The following ADAMTSL4 variants were observed in gnomAD, a reference collection of about 807,000 sequenced individuals.
ADAMTSL4 encodes ADAMTS-like protein 4.
In ADAMTSL4, 97 loss-of-function variants were observed where a neutral mutation model predicts 122.8. That is an observed-to-expected ratio of 0.79 (90% CI 0.67 to 0.93). The LOEUF (loss-of-function observed/expected upper bound fraction) is 0.93. ADAMTSL4 is among the 40% of genes least tolerant of loss of function. ADAMTSL4 has a pLI of 0.00. For missense variants in ADAMTSL4, 1,408 were observed against 1,453.5 expected (o/e 0.97, Z 0.51); for synonymous variants, 592 against 568.0 (o/e 1.04, Z -0.60).
In ADAMTSL4 at chr1:150,559,753, C is replaced by T. The variant is rs372461420; in HGVS notation, c.2944-8C>T. The stretch of plus-strand genomic sequence containing the variant: ...AAAGGTCTGATATGATGGCTGGGGT[C>T]GCCCCAGTGTTCTCGCTCCTGCCAA... On this transcript the variant is annotated splice_polypyrimidine_tract_variant and splice_region_variant and intron_variant, in intron 17 of 18. Coordinates refer to ENST00000271643, the MANE Select transcript of ADAMTSL4 (RefSeq NM_019032.6). This position sits in a 1 kb window ranked among gnomAD's most constrained non-coding sequence, Gnocchi z 4.1. 7.6e-5 allele frequency: 122 copies of T among 1,613,706 alleles called. No individual in the cohort carries two copies. Among genetic ancestry groups the T allele is most frequent in the African/African-American group, 2.7e-5 (2 of 74,884 alleles).
chr1:150,553,626 CTG>C lies in ADAMTSL4; in HGVS notation c.636_637del (p.Glu213AlafsTer21). On this transcript the variant is annotated frameshift_variant, in exon 6 of 19. Coordinates refer to ENST00000271643, the MANE Select transcript of ADAMTSL4 (RefSeq NM_019032.6). LOFTEE classifies it high-confidence loss of function. Reference sequence around the variant, plus strand: ...TTCTCCGCAAACGGCAGCCCCCAAACTGAGCTCCCTCCCACAGAACTGTCTGT... The same window carrying C: ...TTCTCCGCAAACGGCAGCCCCCAAACAGCTCCCTCCCACAGAACTGTCTGT... 6.2e-7 allele frequency: 1 copy of C among 1,613,872 alleles called. No individual in the cohort carries two copies. The highest frequency in any genetic ancestry group is 8.5e-7 in the Non-Finnish European group (1 of 1,179,948).
chr1:150,556,966 G>A lies in ADAMTSL4; in HGVS notation c.1777G>A (p.Val593Ile), dbSNP rs757656099. ...YMIFQEENPG[V>I]FYQYVISSPP... is the part of the protein sequence containing the mutation. ...GATCTTTCAGGAGGAAAACCCAGGC[G>A]TTTTTTATCAGTATGTCATCTCTTC... The change falls in exon 11 of 19, where the codon GTT becomes ATT. Residue 593 changes from valine to isoleucine, a missense_variant. By Grantham distance (29) the Val-to-Ile change is conservative (BLOSUM62 3). Coordinates refer to ENST00000271643, the MANE Select transcript of ADAMTSL4 (RefSeq NM_019032.6). This position sits in a 1 kb window ranked among gnomAD's most constrained non-coding sequence, Gnocchi z 4.1. The A allele has an allele frequency of 2.5e-6, 4 of 1,614,066 alleles. No homozygotes were observed. In the South Asian group the frequency reaches 4.4e-5, roughly 18 times the overall value.
rs758872167 is a variant in ADAMTSL4, at chr1:150,560,078, G to A, written c.3107G>A (p.Ser1036Asn). 1.5e-5 allele frequency: 25 copies of A among 1,613,974 alleles called. No individual in the cohort carries two copies. The highest frequency in any genetic ancestry group is 1.9e-5 in the Non-Finnish European group (22 of 1,180,028). The change falls in exon 19 of 19, where the codon AGC becomes AAC. Residue 1036 changes from serine (S) to asparagine (N), a missense_variant. Ser to Asn is a conservative substitution (Grantham distance 46). Coordinates refer to ENST00000271643, the MANE Select transcript of ADAMTSL4 (RefSeq NM_019032.6). ...TCCCCAGATGATCAATGCAAGGACA[G>A]CTCTCCACATTGCCCCCTGGTGGTA... ...SQRPDDQCKD[S>N]SPHCPLVVQA...
rs1672646988 is a variant in ADAMTSL4, at chr1:150,560,310, C to T, written c.*114C>T. 2 of 1,487,928 alleles carry T rather than the reference C, an allele frequency of 1.3e-6. No individual in the cohort carries two copies. Among genetic ancestry groups the T allele is most frequent in the South Asian group, 2.5e-5 (2 of 81,016 alleles). 92.2% of individuals were successfully genotyped at this position (1,487,928 alleles called of 1,614,324 possible). Reference sequence around the variant, plus strand: ...GTCCCAGTCTCAGCAGGGATGTCCTCCAGGTGACAGAGGGTGGCAAGGTGA... The same window carrying T: ...GTCCCAGTCTCAGCAGGGATGTCCTTCAGGTGACAGAGGGTGGCAAGGTGA... On this transcript the variant is annotated 3_prime_UTR_variant, in exon 19 of 19. Coordinates refer to ENST00000271643, the MANE Select transcript of ADAMTSL4 (RefSeq NM_019032.6).
chr1:150,550,796 C>T (rs762536298), intron 2 of ADAMTSL4: 2 of 456,458 alleles, frequency 4.4e-6, no homozygotes, highest in South Asian at 1.5e-5. Context: ...GGCGCCCGCT[C>T]TGGCTCAGCC....
In ADAMTSL4 at chr1:150,556,731, G is replaced by T. The variant is rs376614782; in HGVS notation, c.1687G>T (p.Glu563Ter). Residue 563 changes from glutamate (E) to a stop codon, truncating the protein, a stop_gained, in exon 10 of 19, where the codon GAG becomes TAG. Coordinates refer to ENST00000271643, the MANE Select transcript of ADAMTSL4 (RefSeq NM_019032.6). LOFTEE classifies it high-confidence loss of function. The surrounding 1 kb of genome is among the most constrained non-coding windows in gnomAD (Gnocchi z 4.1). ...TVFRYNRPPR[E>*]EGKGESLSAE... ...CTTTCGATATAACCGTCCTCCCAGG[G>T]AGGAGGGCAAAGGGGAGAGTCTGTC... is the stretch of plus-strand genomic sequence containing the variant. 6.2e-7 allele frequency: 1 copy of T among 1,614,026 alleles called. No homozygotes were observed. Among genetic ancestry groups the T allele is most frequent in the South Asian group, 1.1e-5 (1 of 91,076 alleles).
At position 150,556,383 on chromosome 1, in the gene ADAMTSL4, C is replaced by G; in HGVS notation, c.1576+17C>G. On this transcript the variant is annotated intron_variant, in intron 9 of 18. Transcript: ENST00000271643. The surrounding 1 kb of genome is among the most constrained non-coding windows in gnomAD (Gnocchi z 4.1). The stretch of plus-strand genomic sequence containing the variant: ...ACTACCTGGGTGAGCACCCAGCTGC[C>G]TCCCCTTCCACTTCCGTCTCTGTTC... 5 of 1,613,682 alleles carry G rather than the reference C, an allele frequency of 3.1e-6. No homozygotes were observed. Among genetic ancestry groups the G allele is most frequent in the Non-Finnish European group, 4.2e-6 (5 of 1,179,898 alleles).
Position 150,558,604 on chromosome 1 carries a change from G to A in ADAMTSL4, c.2514G>A (p.Met838Ile). 5 of 1,613,770 alleles carry A rather than the reference G, an allele frequency of 3.1e-6. No homozygotes were observed. Among genetic ancestry groups the A allele is most frequent in the East Asian group, 2.2e-5 (1 of 44,884 alleles). Residue 838 changes from methionine (M) to isoleucine (I), a missense_variant, in exon 15 of 19, where the codon ATG becomes ATA. Physicochemically the swap from Met to Ile is conservative, Grantham distance 10. Coordinates refer to ENST00000271643, the MANE Select transcript of ADAMTSL4 (RefSeq NM_019032.6). The stretch of plus-strand genomic sequence containing the variant: ...CCCCCAGCAGAGAGGCCTGTGACAT[G>A]GGGCCCTGTACTACTGCCTGGTTCC... ...PQPPSREACDMGPCTTAWFHS... is the reference protein window; with the variant it reads ...PQPPSREACDIGPCTTAWFHS...
intron 14 of ADAMTSL4, 106 bp from the exon 15 acceptor site, chr1:150,558,367 G>C (rs1013461911): frequency 1.9e-6 from 3 of 1,569,590 alleles, no homozygotes; most frequent in Admixed American, 3.6e-5. Context: ...CCATGTGACT[G>C]CTGGGCTGGG....
At position 150,553,670 on chromosome 1, in the gene ADAMTSL4, C is replaced by A. The variant is rs150189250; in HGVS notation, c.679C>A (p.Gln227Lys). The A allele has an allele frequency of 5.1e-5, 83 of 1,613,428 alleles. No homozygotes were observed. The highest frequency in any genetic ancestry group is 6.5e-5 in the Non-Finnish European group (77 of 1,179,864). The change falls in exon 6 of 19, where the codon CAA becomes AAA. Residue 227 changes from glutamine (Q) to lysine (K), a missense_variant. By Grantham distance (53) the Gln-to-Lys change is moderately conservative (BLOSUM62 1). Transcript: ENST00000271643. ...TELSVHTPSP[Q>K]AEPLSPETAQ... ...ACTGTCTGTCCACACCCCATCCCCCCAAGCAGAACCTCTAAGCCCTGAAAC... is the reference window on the plus strand; with the variant it reads ...ACTGTCTGTCCACACCCCATCCCCCAAAGCAGAACCTCTAAGCCCTGAAAC...
chr1:150,557,274 G>A lies in ADAMTSL4; in HGVS notation c.1986G>A (p.Gly662=), dbSNP rs1303759738. 6.2e-7 allele frequency: 1 copy of A among 1,612,098 alleles called. No homozygotes were observed. Among genetic ancestry groups the A allele is most frequent in the South Asian group, 1.1e-5 (1 of 90,858 alleles). ...CGCCCCATCCCAGGACACCCCTGGGGTCTCCAGCTGCGTACTGGAAACGAG... is the reference window on the plus strand; with the variant it reads ...CGCCCCATCCCAGGACACCCCTGGGATCTCCAGCTGCGTACTGGAAACGAG... ...PAPPHPRTPL[G]SPAAYWKRVG... The change falls in exon 12 of 19, where the codon GGG becomes GGA. Residue 662 remains glycine (G), a synonymous_variant. Coordinates refer to ENST00000271643, the MANE Select transcript of ADAMTSL4 (RefSeq NM_019032.6).
In ADAMTSL4 at chr1:150,555,505, C is replaced by G; in HGVS notation, c.1311C>G (p.Val437=). The part of the protein sequence containing the change: ...FRFYVRHTEK[V]QDGTLCQPGA... ...TCTATGTCCGTCACACTGAAAAGGT[C>G]CAGGATGGGACCCTGTGTCAGCCTG... The change falls in exon 8 of 19, where the codon GTC becomes GTG. Residue 437 remains valine, a synonymous_variant. Transcript: ENST00000271643. 1.2e-6 allele frequency: 2 copies of G among 1,614,176 alleles called. No individual in the cohort carries two copies.
At position 150,560,331 on chromosome 1, in the gene ADAMTSL4, G is replaced by C; in HGVS notation, c.*135G>C. 1 of 1,387,006 alleles carries C rather than the reference G, an allele frequency of 7.2e-7. No individual in the cohort carries two copies. The highest frequency in any genetic ancestry group is 9.7e-7 in the Non-Finnish European group (1 of 1,026,052). The allele number at this position is 1,387,006 out of a possible 1,614,324, so 85.9% of individuals were successfully genotyped here. A position where few individuals can be genotyped will look rare whatever the true frequency, so the allele number is the denominator to read the frequency against. On this transcript the variant is annotated 3_prime_UTR_variant, in exon 19 of 19. Coordinates refer to ENST00000271643, the MANE Select transcript of ADAMTSL4 (RefSeq NM_019032.6). ...TCCTCCAGGTGACAGAGGGTGGCAA[G>C]GTGACTGACACAAAGTGACTTTCAG... is the stretch of plus-strand genomic sequence containing the variant.
chr1:150,558,970 C>CGAGTGTGGGA lies in ADAMTSL4; in HGVS notation c.2569_2578dup (p.Thr860ArgfsTer43). 1 of 1,608,232 alleles carries CGAGTGTGGGA rather than the reference C, an allele frequency of 6.2e-7. No homozygotes were observed. The highest frequency in any genetic ancestry group is 8.5e-7 in the Non-Finnish European group (1 of 1,178,662). On this transcript the variant is annotated frameshift_variant, in exon 16 of 19. Coordinates refer to ENST00000271643, the MANE Select transcript of ADAMTSL4 (RefSeq NM_019032.6). LOFTEE classifies it high-confidence loss of function. The stretch of plus-strand genomic sequence containing the variant: ...GCTCTCCTCCTCCGCAGTGCTCAGC[C>CGAGTGTGGGA]GAGTGTGGGACGGGAATCCAGCGGC...
In ADAMTSL4 at chr1:150,557,264, C is replaced by A; in HGVS notation, c.1976C>A (p.Thr659Lys). The change falls in exon 12 of 19, where the codon ACA becomes AAA. Residue 659 changes from threonine to lysine, a missense_variant. Thr to Lys is a moderately conservative substitution (Grantham distance 78). Coordinates refer to ENST00000271643, the MANE Select transcript of ADAMTSL4 (RefSeq NM_019032.6). ...PQMPAPPHPR[T>K]PLGSPAAYWK... ...ATGCCCGCCCCGCCCCATCCCAGGA[C>A]ACCCCTGGGGTCTCCAGCTGCGTAC... 1.2e-6 allele frequency: 2 copies of A among 1,611,894 alleles called. No homozygotes were observed. The highest frequency in any genetic ancestry group is 1.7e-6 in the Non-Finnish European group (2 of 1,179,488).
rs1438416713 is a variant in ADAMTSL4 at position 150,559,158 on chromosome 1, G to C, written c.2756G>C (p.Trp919Ser). The change falls in exon 16 of 19, where the codon TGG (tryptophan) becomes TCG (serine). Residue 919 changes from tryptophan to serine, a missense_variant. By Grantham distance (177) the Trp-to-Ser change is radical. Transcript: ENST00000271643. This position sits in a 1 kb window ranked among gnomAD's most constrained non-coding sequence, Gnocchi z 4.1. Reference protein sequence around the residue: ...ERTWRWYTGPWGECSSECGSG... With the variant: ...ERTWRWYTGPSGECSSECGSG... ...ACTTGGCGCTGGTACACAGGGCCCTGGGGTGAGGTAAGCTGAGCGCCTGCT... is the reference window on the plus strand; with the variant it reads ...ACTTGGCGCTGGTACACAGGGCCCTCGGGTGAGGTAAGCTGAGCGCCTGCT... 1 of 1,612,358 alleles carries C rather than the reference G, an allele frequency of 6.2e-7. No individual in the cohort carries two copies. Among genetic ancestry groups the C allele is most frequent in the African/African-American group, 1.3e-5 (1 of 74,876 alleles).
chr1:150,558,336 C>A (rs1672416001), intron 14 of ADAMTSL4, 137 bp from the exon 15 acceptor site: 3 of 1,528,114 alleles, frequency 2.0e-6, no homozygotes, highest in Non-Finnish European at 2.6e-6. Context: ...TAGGGCTCAG[C>A]CTCCTCCTCA....
At chr1:150,558,770 T>C (rs759518173) in intron 15 of ADAMTSL4, 121 bp downstream of exon 15, 2 of 1,570,920 alleles carry the variant, frequency 1.3e-6, no homozygotes, top group South Asian at 1.1e-5. Context: ...TGCCTGACCC[T>C]GGGAACTCAG....
rs1672390517 is a variant in ADAMTSL4, at chr1:150,558,092, C to T, written c.2325C>T (p.Thr775=). The part of the protein sequence containing the change: ...RCGHLPRPNI[T]QSCQLRLCGH... ...GACATCTCCCCCGGCCCAACATCAC[C>T]CAGTCTTGCCAGCTGCGCCTCTGTG... is the stretch of plus-strand genomic sequence containing the variant. The change falls in exon 14 of 19, where the codon ACC becomes ACT. Residue 775 remains threonine, a synonymous_variant. Transcript: ENST00000271643. 1.9e-6 allele frequency: 3 copies of T among 1,613,144 alleles called. No individual in the cohort carries two copies. The highest frequency in any genetic ancestry group is 2.5e-6 in the Non-Finnish European group (3 of 1,180,024).
Sources: allele counts gnomAD v4.1 joint callset, GRCh38; gene constraint gnomAD v4.1.1; non-coding constraint Gnocchi (gnomAD v3.1); transcripts MANE v1.5; gene names NCBI Gene and HGNC (gene_info 2026-07-23, HGNC 2026-07-21).